The following ADGRL2 variants were observed in gnomAD, a reference collection of about 807,000 sequenced individuals.
The protein encoded by ADGRL2 is calcium-independent alpha-latrotoxin receptor 2.
Under a neutral mutation model 157.4 loss-of-function variants are expected in ADGRL2, and 44 were observed. The observed-to-expected ratio is 0.28, with a 90% CI of 0.22 to 0.36. ADGRL2 has a LOEUF of 0.36. Among genes scored for constraint, ADGRL2 ranks in the 10% least tolerant of loss-of-function variants. ADGRL2 has a pLI of 1.00. For synonymous variants in ADGRL2, 585 were observed against 624.7 expected, an observed-to-expected ratio of 0.94 and a Z score of 0.95; for missense variants, 1,510 against 1,768.9, an observed-to-expected ratio of 0.85 and a Z score of 2.63.
In ADGRL2 at chr1:81,943,775, C is replaced by T. The variant is rs376523380; in HGVS notation, c.1210+6C>T. 8.7e-6 allele frequency: 14 copies of T among 1,602,846 alleles called. No individual in the cohort carries two copies. The Middle Eastern group carries it at 5.0e-4, about 57-fold the overall frequency. ...TCCACCTGATCCTGCCCAAGGTAAG[C>T]GTGTTTACTTGCTAATGCTTATGTC... On this transcript the variant is annotated splice_donor_region_variant and intron_variant, in intron 6 of 23. Coordinates refer to ENST00000686636, the MANE Select transcript of ADGRL2 (RefSeq NM_001366006.2). The surrounding 1 kb of genome is among the most constrained non-coding windows in gnomAD (Gnocchi z 5.6).
At chr1:81,613,776 A>T (rs2081589792) in intron 3 of ADGRL2, among the ~76,000 whole-genome samples, 1 of 152,366 alleles carries the variant, frequency 6.6e-6, no homozygotes, top group East Asian at 1.9e-4. Flanking sequence ...GTTAGCACTT[A>T]TAAATGTGAG....
chr1:81,670,017 A>G (rs1264151226), intron 3 of ADGRL2, among the ~76,000 whole-genome samples: 1 of 151,946 alleles, frequency 6.6e-6, no homozygotes, highest in Non-Finnish European at 1.5e-5. Context: ...ACCTGGGGGA[A>G]GGATAGAATT....
At chr1:81,514,331 A>G (rs889665375) in intron 2 of ADGRL2, among the ~76,000 whole-genome samples, 4 of 152,160 alleles carry the variant, frequency 2.6e-5, no homozygotes, top group Non-Finnish European at 4.4e-5. Context: ...AGAAACCTCT[A>G]GGCTCTTCCA....
At chr1:81,760,092 T>C (rs1034123837) in intron 1 of ADGRL2, among the ~76,000 whole-genome samples, 1 of 152,104 alleles carries the variant, frequency 6.6e-6, no homozygotes, top group Non-Finnish European at 1.5e-5. Flanking sequence ...AGTCCAAACA[T>C]ATATTCTTAT....
chr1:81,774,469 G>A (rs2086497339), intron 2 of ADGRL2, among the ~76,000 whole-genome samples: 1 of 152,130 alleles, frequency 6.6e-6, no homozygotes, highest in African/African-American at 2.4e-5. Context: ...TCAGAATTTT[G>A]GGTGGCATTT....
intron 2 of ADGRL2, among the ~76,000 whole-genome samples, chr1:81,778,681 T>C (rs2086695112): frequency 6.6e-6 from 1 of 152,174 alleles, no homozygotes; most frequent in African/African-American, 2.4e-5. Context: ...TCCTCTCCAA[T>C]GTCTCCCTCC....
intron 1 of ADGRL2, among the ~76,000 whole-genome samples, chr1:81,746,857 C>T (rs1170817628): frequency 7.6e-6 from 1 of 131,656 alleles, no homozygotes; most frequent in Non-Finnish European, 1.6e-5. Flanking sequence ...CACACGTGCA[C>T]ACGTATACAC....
chr1:81,973,623 G>T (rs533369700), intron 17 of ADGRL2, among the ~76,000 whole-genome samples: 21 of 152,136 alleles, frequency 1.4e-4, no homozygotes, highest in Non-Finnish European at 2.8e-4. Context: ...AAGAAAAAAG[G>T]GTAAAGGACA....
At position 81,546,291 on chromosome 1, in the gene ADGRL2, T is replaced by C. The variant is rs1311282590; in HGVS notation, c.-247-34585T>C. On this transcript the variant is annotated intron_variant, in intron 2 of 24. Transcript: ENST00000370721. ...GTTACACGTGAACTTGGCAGCATTT[T>C]ATTTGGGAACGCAAAGTCCGGCTTA... Among the ~76,000 whole-genome samples the C allele has an allele frequency of 2.0e-5, 3 of 152,336 alleles. 1 individual carries two copies. Among genetic ancestry groups the C allele is most frequent in the Middle Eastern group, 6.8e-3 (2 of 294 alleles).
chr1:81,321,862 C>T (rs946115434), intron 1 of ADGRL2, among the ~76,000 whole-genome samples: 1 of 151,044 alleles, frequency 6.6e-6, no homozygotes, highest in African/African-American at 2.4e-5. Flanking sequence ...AATAGACTTG[C>T]TGGACCAAAG....
intron 2 of ADGRL2, among the ~76,000 whole-genome samples, chr1:81,847,729 A>C (rs12737812): frequency 0.14 from 21,471 of 151,816 alleles, 1,677 homozygotes; most frequent in South Asian, 0.21. Flanking sequence ...TTGATCTGTC[A>C]TACTTTCATT....
chr1:81,723,826 A>AT (rs374680082), intron 1 of ADGRL2, among the ~76,000 whole-genome samples: 12,277 of 151,258 alleles, frequency 0.081, 549 homozygotes, highest in Non-Finnish European at 0.097. Flanking sequence ...TGGTGAAGGG[A>AT]TTTTTTTTTG....
At chr1:81,706,325 G>C (rs1304605673) in intron 1 of ADGRL2, among the ~76,000 whole-genome samples, 1 of 152,200 alleles carries the variant, frequency 6.6e-6, no homozygotes, top group East Asian at 1.9e-4. Context: ...TTATTGCAGA[G>C]AGACAGGAAA....
At chr1:81,328,963 C>CA (rs34963278) in intron 1 of ADGRL2, among the ~76,000 whole-genome samples, 44,024 of 141,904 alleles carry the variant, frequency 0.31, 6,909 homozygotes, top group Middle Eastern at 0.4. Context: ...ACATGATCTA[C>CA]AAAAAAAAAA....
intron 3 of ADGRL2, among the ~76,000 whole-genome samples, chr1:81,600,110 G>A (rs2081308140): frequency 6.6e-6 from 1 of 152,182 alleles, no homozygotes. Flanking sequence ...AATATGTGAT[G>A]CTATTTTCAA....
chr1:81,846,340 TA>T lies in ADGRL2; in HGVS notation c.73+9285del, dbSNP rs201377170. Reference sequence around the variant, plus strand: ...AAATGATTTTTGTATCCCATGTATTTAATAAAGTTTATTTTTAAGAGTTTTT... The same window carrying T: ...AAATGATTTTTGTATCCCATGTATTTATAAAGTTTATTTTTAAGAGTTTTT... On this transcript the variant is annotated intron_variant, in intron 2 of 23. Coordinates refer to ENST00000686636, the MANE Select transcript of ADGRL2 (RefSeq NM_001366006.2). 4.2e-3 allele frequency among the ~76,000 whole-genome samples: 381 copies of T among 91,340 alleles called. 10 individuals are homozygous for T. In the Middle Eastern group the frequency reaches 0.044, roughly 11 times the overall value. 59.9% of individuals were successfully genotyped at this position (91,340 alleles called of 152,430 possible). A position where few individuals can be genotyped will look rare whatever the true frequency, so the allele number is the denominator to read the frequency against.
chr1:81,966,443 G>A lies in ADGRL2; in HGVS notation c.2183G>A (p.Gly728Glu), dbSNP rs750505842. 6.2e-6 allele frequency: 10 copies of A among 1,613,930 alleles called. No individual in the cohort carries two copies. In the Admixed American group the frequency reaches 8.3e-5, roughly 13 times the overall value. The change falls in exon 13 of 24, where the codon GGA (glycine) becomes GAA (glutamate). Residue 728 changes from glycine (G) to glutamate (E), a missense_variant. Transcript: ENST00000686636. ...GTGTTCATCATTTACCGGAGCCTGG[G>A]ACAGTTCCTTAGTACAGAAAATGCA... is the stretch of plus-strand genomic sequence containing the variant. Reference protein sequence around the residue: ...KLVFIIYRSLGQFLSTENATI... With the variant: ...KLVFIIYRSLEQFLSTENATI...
intron 3 of ADGRL2, among the ~76,000 whole-genome samples, chr1:81,912,352 G>A (rs1481761099): frequency 5.9e-5 from 9 of 152,100 alleles, no homozygotes; most frequent in Non-Finnish European, 1.2e-4. Flanking sequence ...TATTACAGGC[G>A]GGAGCCACTG....
chr1:81,425,005 G>A (rs1307556807), intron 1 of ADGRL2, among the ~76,000 whole-genome samples: 1 of 152,186 alleles, frequency 6.6e-6, no homozygotes, highest in Non-Finnish European at 1.5e-5. Flanking sequence ...GTCACCTTGT[G>A]TGAAAGTCTA....
Sources: allele counts gnomAD v4.1 joint callset (sites outside exome capture counted in the v4.1 genomes callset), GRCh38; gene constraint gnomAD v4.1.1; non-coding constraint Gnocchi (gnomAD v3.1); transcripts MANE v1.5; gene names NCBI Gene and HGNC (gene_info 2026-07-23, HGNC 2026-07-21).